The following KCNMA1 variants were observed in gnomAD, a reference collection of about 807,000 sequenced individuals.
KCNMA1 encodes the protein Calcium-activated potassium channel subunit alpha-1.
A neutral mutation model predicts 140.0 loss-of-function variants in KCNMA1; 29 were observed. The ratio of observed to expected loss-of-function variants is 0.21; its 90% confidence interval spans 0.15 to 0.28. The LOEUF (loss-of-function observed/expected upper bound fraction) is 0.28. Ranked by LOEUF, KCNMA1 falls within the 10% of genes least tolerant of loss-of-function variation. KCNMA1 has a pLI of 1.00. For synonymous variants in KCNMA1, 612 were observed against 611.9 expected, an observed-to-expected ratio of 1.00 and a Z score of 0.00; for missense variants, 880 against 1,602.2, an observed-to-expected ratio of 0.55 and a Z score of 7.70.
chr10:76,913,898 C>A (rs1211635416), intron 24 of KCNMA1: 2 of 615,932 alleles, frequency 3.2e-6, no homozygotes, highest in African/African-American at 1.8e-5. Flanking sequence ...ACAAGACAGT[C>A]GATTCCAACC....
In KCNMA1 at chr10:76,981,340, A is replaced by G. The variant is rs892834866; in HGVS notation, c.2267-11273T>C. Among the ~76,000 whole-genome samples the G allele has an allele frequency of 3.9e-5, 6 of 152,304 alleles. No individual in the cohort carries two copies. In the East Asian group the frequency reaches 1.2e-3, roughly 29 times the overall value. On this transcript the variant is annotated intron_variant, in intron 19 of 27. Transcript: ENST00000286628. ...AAATAATTAGGTTTTGCCAAATGTCATAAAAACAAGAAAAGCCAGAAAACG... is the reference window on the plus strand; with the variant it reads ...AAATAATTAGGTTTTGCCAAATGTCGTAAAAACAAGAAAAGCCAGAAAACG...
intron 1 of KCNMA1, among the ~76,000 whole-genome samples, chr10:77,491,288 A>G (rs1466664558): frequency 1.3e-5 from 2 of 152,100 alleles, no homozygotes; most frequent in East Asian, 3.9e-4. Context: ...AGACCACTGA[A>G]GAGTTCTAGA....
intron 3 of KCNMA1, among the ~76,000 whole-genome samples, chr10:77,237,630 A>G (rs2055975768): frequency 6.6e-6 from 1 of 151,964 alleles, no homozygotes; most frequent in Non-Finnish European, 1.5e-5. Flanking sequence ...GCTAATCTTT[A>G]AAACATTTTC....
chr10:77,120,078 T>C (rs544264040), intron 6 of KCNMA1, among the ~76,000 whole-genome samples: 1 of 152,298 alleles, frequency 6.6e-6, no homozygotes, highest in Non-Finnish European at 1.5e-5. Flanking sequence ...TCACAAAATA[T>C]GGAGGTGTCC....
intron 2 of KCNMA1, among the ~76,000 whole-genome samples, chr10:77,337,991 A>C (rs1603151550): frequency 6.6e-6 from 1 of 152,214 alleles, no homozygotes; most frequent in East Asian, 1.9e-4. Flanking sequence ...AAGGACAAGC[A>C]AGAAATACAC....
chr10:76,885,945 A>C lies in KCNMA1; in HGVS notation c.*1321T>G, dbSNP rs1172549734. On this transcript the variant is annotated 3_prime_UTR_variant, in exon 28 of 28. Transcript: ENST00000286628. ...TCATAATGACAAGGAGCAGCTCTCT[A>C]TTGCCGTCATTACCCTGCCTAAATT... The C allele has an allele frequency of 1.0e-6, 1 of 985,430 alleles. No individual in the cohort carries two copies. The highest frequency in any genetic ancestry group is 1.2e-6 in the Non-Finnish European group (1 of 829,928). The allele number at this position is 985,430 out of a possible 1,614,324, so 61.0% of individuals were successfully genotyped here. A position where few individuals can be genotyped will look rare whatever the true frequency, so the allele number is the denominator to read the frequency against.
chr10:77,216,786 T>C (rs1309051519), intron 3 of KCNMA1, among the ~76,000 whole-genome samples: 2 of 152,190 alleles, frequency 1.3e-5, no homozygotes, highest in Non-Finnish European at 1.5e-5. Context: ...ATTGGCTTTA[T>C]ATATGGTTTT....
chr10:77,410,642 T>C (rs1042220953), intron 1 of KCNMA1, among the ~76,000 whole-genome samples: 1 of 152,220 alleles, frequency 6.6e-6, no homozygotes, highest in Non-Finnish European at 1.5e-5. Context: ...AGAGGACAAG[T>C]GAAGTCTTCA....
At chr10:77,346,518 A>T (rs1312496457) in intron 2 of KCNMA1, among the ~76,000 whole-genome samples, 1 of 152,210 alleles carries the variant, frequency 6.6e-6, no homozygotes, top group Non-Finnish European at 1.5e-5. Flanking sequence ...GAAAATTCAG[A>T]TTAGAAACAA....
intron 1 of KCNMA1, among the ~76,000 whole-genome samples, chr10:77,423,794 C>G (rs894973838): frequency 6.6e-6 from 1 of 152,114 alleles, no homozygotes; most frequent in Non-Finnish European, 1.5e-5. Flanking sequence ...GATGCTCACC[C>G]CAAGGCCCTT....
intron 18 of KCNMA1, among the ~76,000 whole-genome samples, chr10:77,006,603 T>C (rs2088766195): frequency 6.6e-6 from 1 of 152,172 alleles, no homozygotes. Context: ...GTCTTCCAGG[T>C]GGTTTTCCAA....
chr10:77,579,543 G>GT (rs1029713977), intron 1 of KCNMA1, among the ~76,000 whole-genome samples: 6 of 152,066 alleles, frequency 3.9e-5, no homozygotes, highest in African/African-American at 9.7e-5. Context: ...TGTGTCTATT[G>GT]TTTTTTTCAA....
intron 1 of KCNMA1, among the ~76,000 whole-genome samples, chr10:77,417,650 C>T (rs946624527): frequency 3.3e-5 from 5 of 152,180 alleles, no homozygotes; most frequent in Admixed American, 6.5e-5. Flanking sequence ...GGATTTGTCC[C>T]GTGCCAGGAA....
chr10:76,977,885 C>T (rs370064005), intron 19 of KCNMA1: 12 of 477,676 alleles, frequency 2.5e-5, no homozygotes, highest in Admixed American at 1.8e-4. Flanking sequence ...CCACATCTAC[C>T]GTGAGCAATT....
At chr10:77,002,508 G>A (rs970471286) in intron 18 of KCNMA1, among the ~76,000 whole-genome samples, 5 of 152,070 alleles carry the variant, frequency 3.3e-5, no homozygotes, top group South Asian at 2.1e-4. Context: ...CGCCAAAATC[G>A]ATTAAAACTG....
At chr10:77,024,564 G>GT (rs377689974) in intron 16 of KCNMA1, among the ~76,000 whole-genome samples, 20 of 151,468 alleles carry the variant, frequency 1.3e-4, no homozygotes, top group Admixed American at 4.6e-4. Flanking sequence ...TAACCCAAAA[G>GT]TTTTTTTTTA....
At chr10:77,436,445 A>C (rs2097263984) in intron 1 of KCNMA1, among the ~76,000 whole-genome samples, 1 of 152,266 alleles carries the variant, frequency 6.6e-6, no homozygotes, top group African/African-American at 2.4e-5. Flanking sequence ...ACCATTTGGC[A>C]GGAGTGCAAG....
At chr10:77,252,979 A>AC (rs1033691240) in intron 2 of KCNMA1, among the ~76,000 whole-genome samples, 6 of 151,924 alleles carry the variant, frequency 3.9e-5, no homozygotes, top group African/African-American at 1.5e-4. Flanking sequence ...CCTCACCTCA[A>AC]CCCCTCCCAT....
intron 2 of KCNMA1, among the ~76,000 whole-genome samples, chr10:77,263,858 C>A: frequency 6.6e-6 from 1 of 152,140 alleles, no homozygotes; most frequent in South Asian, 2.1e-4. Context: ...AAGAATGATA[C>A]TAGCATGCCT....
Sources: allele counts gnomAD v4.1 joint callset (sites outside exome capture counted in the v4.1 genomes callset), GRCh38; gene constraint gnomAD v4.1.1; transcripts MANE v1.5; gene names NCBI Gene and HGNC (gene_info 2026-07-23, HGNC 2026-07-21).